DGKK: variants seen among roughly 807,000 people sequenced by gnomAD.
DGKK encodes the protein 142 kDa diacylglycerol kinase.
In DGKK, 35 loss-of-function variants were observed where a neutral mutation model predicts 92.2. The observed-to-expected ratio is 0.38, with a 90% CI of 0.29 to 0.50. The LOEUF (loss-of-function observed/expected upper bound fraction) is 0.50, where lower values mean the gene tolerates loss of function less well. DGKK is among the 20% of genes least tolerant of loss of function. The pLI is 0.92. For synonymous variants in DGKK, 368 were observed against 360.6 expected (o/e 1.02, Z -0.23); for missense variants, 910 against 992.2 (o/e 0.92, Z 1.11).
chrX:50,467,705 A>C (rs1010349940), intron 1 of DGKK, among the ~76,000 whole-genome samples: 1 of 112,782 alleles, frequency 8.9e-6, no homozygotes, highest in Non-Finnish European at 1.9e-5. Context: ...ATGTTAAGAT[A>C]CAAGCCAGCT....
intron 1 of DGKK, among the ~76,000 whole-genome samples, chrX:50,447,880 T>A (rs782703536): frequency 9.1e-5 from 10 of 110,383 alleles, no homozygotes; most frequent in Admixed American, 5.8e-4. Flanking sequence ...TTATTTTTTT[T>A]AAAAAAGGAG....
chrX:50,449,873 G>A (rs1036676846), intron 1 of DGKK, among the ~76,000 whole-genome samples: 3 of 111,923 alleles, frequency 2.7e-5, no homozygotes, highest in Non-Finnish European at 3.8e-5. Flanking sequence ...TGTATGTGGC[G>A]TTTTTTAAAT....
intron 12 of DGKK, 109 bp downstream of exon 12, chrX:50,390,219 T>G: frequency 1.5e-6 from 1 of 681,185 alleles, no homozygotes; most frequent in Non-Finnish European, 2.3e-6. Flanking sequence ...CAACTCTCAA[T>G]GATCTCATCC....
At chrX:50,419,622 T>A (rs1301749292) in intron 4 of DGKK, among the ~76,000 whole-genome samples, 1 of 112,373 alleles carries the variant, frequency 8.9e-6, no homozygotes, top group African/African-American at 3.2e-5. Context: ...GATTCATTTA[T>A]TCATTCAAAA....
intron 8 of DGKK, among the ~76,000 whole-genome samples, chrX:50,398,349 C>T (rs908642646): frequency 8.9e-6 from 1 of 112,146 alleles, no homozygotes; most frequent in Admixed American, 9.4e-5. Context: ...CATAAAGCCA[C>T]AGCCAAGAAG....
intron 27 of DGKK, among the ~76,000 whole-genome samples, chrX:50,369,359 T>C (rs1183023700): frequency 2.7e-5 from 3 of 110,991 alleles, no homozygotes; most frequent in Non-Finnish European, 5.7e-5. Context: ...ATCCAAGAGA[T>C]TCTCTCTTGG....
At position 50,393,267 on chromosome X, in the gene DGKK, T is replaced by C; in HGVS notation, c.1480A>G (p.Ile494Val). 3.3e-6 allele frequency: 4 copies of C among 1,210,037 alleles called. No individual in the cohort carries two copies. Among genetic ancestry groups the C allele is most frequent in the Non-Finnish European group, 4.5e-6 (4 of 894,723 alleles). The change falls in exon 9 of 28, where the codon ATC becomes GTC. Residue 494 changes from isoleucine to valine, a missense_variant. Coordinates refer to ENST00000611977, the MANE Select transcript of DGKK (RefSeq NM_001013742.4). Reference protein sequence around the residue: ...WSSACSCPLLIFINSKSGDHQ... With the variant: ...WSSACSCPLLVFINSKSGDHQ... ...TCGCCACTTTTGGAGTTGATGAAGATGAGCAAGGGACATGAACAGGCTGAT... is the reference window on the plus strand; with the variant it reads ...TCGCCACTTTTGGAGTTGATGAAGACGAGCAAGGGACATGAACAGGCTGAT...
chrX:50,414,587 T>C (rs1317601717), intron 4 of DGKK, among the ~76,000 whole-genome samples: 1 of 111,704 alleles, frequency 9.0e-6, no homozygotes, highest in East Asian at 2.8e-4. Flanking sequence ...ATTTGGTTAA[T>C]AAAATGTTAT....
At chrX:50,458,971 C>T (rs574030919) in intron 1 of DGKK, among the ~76,000 whole-genome samples, 2 of 111,371 alleles carry the variant, frequency 1.8e-5, no homozygotes, top group East Asian at 5.7e-4. Context: ...TCCTACGTTC[C>T]TCAAACAACT....
At chrX:50,395,866 C>T (rs1386278264) in intron 8 of DGKK, among the ~76,000 whole-genome samples, 1 of 109,088 alleles carries the variant, frequency 9.2e-6, no homozygotes, top group Non-Finnish European at 1.9e-5. Flanking sequence ...TCTCATACAC[C>T]AAGAATGGAC....
At position 50,376,138 on chromosome X, in the gene DGKK, C is replaced by G. The variant is rs1557223827; in HGVS notation, c.3300G>C (p.Gln1100His). 1.7e-6 allele frequency: 2 copies of G among 1,209,306 alleles called. No homozygotes were observed. Among genetic ancestry groups the G allele is most frequent in the African/African-American group, 1.7e-5 (1 of 57,189 alleles). ...SKLNDLSKIH[Q>H]HVSVLMGSVN... ...CAGAACCCATGAGGACAGACACATG[C>G]TGGTGGATCTTGCTCAGGTCATTAA... Residue 1100 changes from glutamine to histidine, a missense_variant, in exon 24 of 28, where the codon CAG becomes CAC. By Grantham distance (24) the Gln-to-His change is conservative. Coordinates refer to ENST00000611977, the MANE Select transcript of DGKK (RefSeq NM_001013742.4).
rs782647091 is a variant in DGKK, at chrX:50,370,413, G to T, written c.3736+13C>A. 6.8e-6 allele frequency: 8 copies of T among 1,184,900 alleles called. 1 individual carries two copies. The Admixed American group carries it at 1.4e-4, about 21-fold the overall frequency. On this transcript the variant is annotated intron_variant, in intron 27 of 27. Transcript: ENST00000611977. ...AAGTCTTCATGACCCCTCTGCCTGT[G>T]GGGGAGACTTACCAATAAAACTCTG...
chrX:50,375,962 C>T, intron 24 of DGKK, 62 bp downstream of exon 24: 1 of 1,146,076 alleles, frequency 8.7e-7, no homozygotes, highest in African/African-American at 1.8e-5. Context: ...CCACTTCTTT[C>T]CCTTTCATCC....
intron 1 of DGKK, among the ~76,000 whole-genome samples, chrX:50,454,056 G>A (rs1427491398): frequency 2.7e-5 from 3 of 109,246 alleles, no homozygotes; most frequent in Non-Finnish European, 3.8e-5. Context: ...TGCTCACACC[G>A]TTTTGCTTGC....
rs782706869 is a variant in DGKK, at chrX:50,456,170, A to G, written c.645+13864T>C. Among the ~76,000 whole-genome samples the G allele has an allele frequency of 8.0e-5, 9 of 112,056 alleles. No individual in the cohort carries two copies. In the East Asian group the frequency reaches 2.5e-3, roughly 32 times the overall value. ...TTCCTGCTCTCTGATTGGAGACTTCATATTCTCTTCCCTGACCAGACCATT... is the reference window on the plus strand; with the variant it reads ...TTCCTGCTCTCTGATTGGAGACTTCGTATTCTCTTCCCTGACCAGACCATT... On this transcript the variant is annotated intron_variant, in intron 1 of 27. Transcript: ENST00000611977.
chrX:50,378,277 C>T, intron 21 of DGKK, 45 bp from the exon 22 acceptor site: 1 of 1,175,200 alleles, frequency 8.5e-7, no homozygotes, highest in Non-Finnish European at 1.1e-6. Flanking sequence ...AATGGGGCAA[C>T]TGCTGTAACT....
chrX:50,403,226 A>G lies in DGKK; in HGVS notation c.1186-43T>C, dbSNP rs782623413. 10 of 1,152,526 alleles carry G rather than the reference A, an allele frequency of 8.7e-6. No homozygotes were observed. The South Asian group carries it at 1.2e-4, about 14-fold the overall frequency. The allele number at this position is 1,152,526 out of a possible 1,213,427, so 95.0% of individuals were successfully genotyped here. A position where few individuals can be genotyped will look rare whatever the true frequency, so the allele number is the denominator to read the frequency against. On this transcript the variant is annotated intron_variant, in intron 6 of 27. Transcript: ENST00000611977. ...GACACAGGAGGTAGAAGTTAGAGAC[A>G]TAAGGAGAGGAAGGGCCAACTGGAA...
intron 5 of DGKK, 112 bp from the exon 6 acceptor site, chrX:50,403,709 C>G: frequency 1.6e-6 from 1 of 612,107 alleles, no homozygotes; most frequent in Non-Finnish European, 2.6e-6. Context: ...CTAAATAGTT[C>G]TAATGCACCT....
chrX:50,375,082 A>T (rs782814351), intron 24 of DGKK, 25 bp from the exon 25 acceptor site: 44 of 1,135,092 alleles, frequency 3.9e-5, no homozygotes, highest in Non-Finnish European at 3.9e-5. Flanking sequence ...ACGGAAAAGG[A>T]GAGAAAAAGA....
Sources: allele counts gnomAD v4.1 joint callset (sites outside exome capture counted in the v4.1 genomes callset), GRCh38; gene constraint gnomAD v4.1.1; transcripts MANE v1.5; gene names NCBI Gene and HGNC (gene_info 2026-07-23, HGNC 2026-07-21).